The following KIAA1671 variants were observed in gnomAD, a reference collection of about 807,000 sequenced individuals.
KIAA1671 encodes the protein uncharacterized protein KIAA1671.
In KIAA1671, 52 loss-of-function variants were observed where a neutral mutation model predicts 131.2. The observed-to-expected ratio is 0.40, with a 90% CI of 0.32 to 0.50. The LOEUF is 0.50. Ranked by LOEUF, KIAA1671 falls within the 20% of genes least tolerant of loss-of-function variation. The pLI is 0.73. For synonymous variants in KIAA1671, 1,003 were observed against 961.6 expected, an observed-to-expected ratio of 1.04 and a Z score of -0.80; for missense variants, 2,360 against 2,364.2, an observed-to-expected ratio of 1.00 and a Z score of 0.04.
At position 25,039,340 on chromosome 22, in the gene KIAA1671, A is replaced by G; in HGVS notation, c.2210A>G (p.His737Arg). 6.4e-7 allele frequency: 1 copy of G among 1,551,978 alleles called. No homozygotes were observed. The highest frequency in any genetic ancestry group is 8.7e-7 in the Non-Finnish European group (1 of 1,147,056). ...QRIEPRYDIV[H>R]AVGERVHSEA... ...ATTGAGCCCAGATATGACATTGTGCATGCAGTGGGAGAGCGTGTGCACAGC... is the reference window on the plus strand; with the variant it reads ...ATTGAGCCCAGATATGACATTGTGCGTGCAGTGGGAGAGCGTGTGCACAGC... The change falls in exon 5 of 13, where the codon CAT becomes CGT. Residue 737 changes from histidine to arginine, a missense_variant. This residue lies in a region of KIAA1671 where 1,185 missense variants were observed against 1,126.2 expected (regional missense o/e 1.05). Coordinates refer to ENST00000358431, the MANE Select transcript of KIAA1671 (RefSeq NM_001145206.2).
Position 25,028,823 on chromosome 22 carries a change from C to T in KIAA1671, c.824C>T (p.Thr275Met), listed in dbSNP as rs1447775392. 6.4e-6 allele frequency: 10 copies of T among 1,550,724 alleles called. No homozygotes were observed. Among genetic ancestry groups the T allele is most frequent in the Middle Eastern group, 1.7e-4 (1 of 6,012 alleles). The change falls in exon 3 of 13, where the codon ACG becomes ATG. Residue 275 changes from threonine (T) to methionine (M), a missense_variant. By Grantham distance (81) the Thr-to-Met change is moderately conservative. Transcript: ENST00000358431. ...GTGCCACCCACCCCTCCCGAGAAGA[C>T]GTGGGTGAGGAAGCCCAGGCCCTTG... ...GKVPPTPPEK[T>M]WVRKPRPLSM...
chr22:25,129,142 G>A (rs1015237917), intron 6 of KIAA1671, among the ~76,000 whole-genome samples: 1 of 151,948 alleles, frequency 6.6e-6, no homozygotes, highest in Non-Finnish European at 1.5e-5. Context: ...GGAGTGCCAT[G>A]AGGATGGTGG....
chr22:25,044,977 G>A (rs372260266), intron 5 of KIAA1671, among the ~76,000 whole-genome samples: 5 of 152,068 alleles, frequency 3.3e-5, no homozygotes, highest in African/African-American at 1.2e-4. Flanking sequence ...TGGCTAACAC[G>A]GTGAAACCCT....
In KIAA1671 at chr22:25,181,216, C is replaced by T. The variant is rs547177797; in HGVS notation, c.5075-483C>T. ...TGAGTGATCAGCTCAGCCTCAAGCACGGGTCTGGGGTTAAGTCCTGGATAG... is the reference window on the plus strand; with the variant it reads ...TGAGTGATCAGCTCAGCCTCAAGCATGGGTCTGGGGTTAAGTCCTGGATAG... On this transcript the variant is annotated intron_variant, in intron 9 of 12. Coordinates refer to ENST00000358431, the MANE Select transcript of KIAA1671 (RefSeq NM_001145206.2). Among the ~76,000 whole-genome samples, 4 of 152,304 alleles carry T rather than the reference C, an allele frequency of 2.6e-5. No homozygotes were observed. The East Asian group carries it at 5.8e-4, about 22-fold the overall frequency.
chr22:24,956,189 C>T (rs1303707627), intron 1 of KIAA1671, among the ~76,000 whole-genome samples: 1 of 152,248 alleles, frequency 6.6e-6, no homozygotes, highest in Non-Finnish European at 1.5e-5. Flanking sequence ...AAGATCCCTT[C>T]CTCAAGGTGG....
chr22:25,124,243 G>A (rs960127824), intron 6 of KIAA1671, among the ~76,000 whole-genome samples: 8 of 152,210 alleles, frequency 5.3e-5, no homozygotes, highest in Non-Finnish European at 1.2e-4. Flanking sequence ...GCCATAAACA[G>A]CAGCGACCGC....
intron 1 of KIAA1671, chr22:25,009,596 TC>T (rs200434364): frequency 3.6e-4 from 53 of 148,270 alleles, no homozygotes; most frequent in Non-Finnish European, 5.2e-4. Context: ...TTTTTTTTTT[TC>T]TTGAGACAGA....
In KIAA1671 at chr22:24,986,370, A is replaced by G. The variant is rs113292612; in HGVS notation, c.-208+33598A>G. 7.6e-3 allele frequency among the ~76,000 whole-genome samples: 1,153 copies of G among 152,258 alleles called. 20 individuals are homozygous for G. Among genetic ancestry groups the G allele is most frequent in the African/African-American group, 0.026 (1,087 of 41,548 alleles). Reference sequence around the variant, plus strand: ...ATAAAATGGTGTAGTATTTGCATGTAACCTATACATATCCTCCCAGATGCT... The same window carrying G: ...ATAAAATGGTGTAGTATTTGCATGTGACCTATACATATCCTCCCAGATGCT... On this transcript the variant is annotated intron_variant, in intron 1 of 12. Coordinates refer to ENST00000358431, the MANE Select transcript of KIAA1671 (RefSeq NM_001145206.2).
intron 6 of KIAA1671, among the ~76,000 whole-genome samples, chr22:25,111,526 G>C (rs981563158): frequency 6.6e-6 from 1 of 152,240 alleles, no homozygotes; most frequent in African/African-American, 2.4e-5. Context: ...GGACCCGGGG[G>C]CCCTGGTGGC....
chr22:25,039,767 C>G lies in KIAA1671; in HGVS notation c.2637C>G (p.Pro879=). The G allele has an allele frequency of 2.0e-6, 3 of 1,500,502 alleles. No individual in the cohort carries two copies. Among genetic ancestry groups the G allele is most frequent in the Non-Finnish European group, 2.7e-6 (3 of 1,119,928 alleles). The allele number at this position is 1,500,502 out of a possible 1,614,324, so 92.9% of individuals were successfully genotyped here. ...CAGGAGTGGGAGCAAGGGGCCCACC[C>G]CAGGGATGCCCCCTCGATCCTCTTT... The part of the protein sequence containing the change: ...SKPGVGARGP[P]QGCPLDPLSR... The change falls in exon 5 of 13, where the codon CCC becomes CCG. Residue 879 remains proline (P), a synonymous_variant. Coordinates refer to ENST00000358431, the MANE Select transcript of KIAA1671 (RefSeq NM_001145206.2).
At chr22:24,969,001 G>T (rs1922454396) in intron 1 of KIAA1671, among the ~76,000 whole-genome samples, 1 of 152,136 alleles carries the variant, frequency 6.6e-6, no homozygotes. Context: ...CCAGGCTCAG[G>T]CGATTCTCCC....
Position 25,197,357 on chromosome 22 carries a change from A to C in KIAA1671, c.*4956A>C, listed in dbSNP as rs904832522. On this transcript the variant is annotated 3_prime_UTR_variant, in exon 13 of 13. Coordinates refer to ENST00000358431, the MANE Select transcript of KIAA1671 (RefSeq NM_001145206.2). ...AGCAGTTGGAAATCTGGTCGACTGCAATAAAACAAGATGACCTTTGCATGT... is the reference window on the plus strand; with the variant it reads ...AGCAGTTGGAAATCTGGTCGACTGCCATAAAACAAGATGACCTTTGCATGT... 4 of 152,272 alleles carry C rather than the reference A, an allele frequency of 2.6e-5. No homozygotes were observed. The highest frequency in any genetic ancestry group is 9.6e-5 in the African/African-American group (4 of 41,474). 9.4% of individuals were successfully genotyped at this position (152,272 alleles called of 1,614,324 possible).
intron 6 of KIAA1671, among the ~76,000 whole-genome samples, chr22:25,148,941 C>G (rs1396161660): frequency 6.6e-6 from 1 of 152,228 alleles, no homozygotes; most frequent in Non-Finnish European, 1.5e-5. Flanking sequence ...CTGGGCTGAT[C>G]TATACCAAGA....
At chr22:25,128,088 T>C (rs540091002) in intron 6 of KIAA1671, among the ~76,000 whole-genome samples, 1 of 152,266 alleles carries the variant, frequency 6.6e-6, no homozygotes, top group African/African-American at 2.4e-5. Flanking sequence ...GCTAAAGATA[T>C]GAAGATTGAA....
chr22:25,110,100 TG>T, intron 6 of KIAA1671: 1 of 152,464 alleles, frequency 6.6e-6, no homozygotes. Context: ...CAGTCCAGCC[TG>T]GGCAACAGAG....
At position 25,075,359 on chromosome 22, in the gene KIAA1671, T is replaced by C. The variant is rs530135026; in HGVS notation, c.4530+25995T>C. Among the ~76,000 whole-genome samples, 15 of 152,346 alleles carry C rather than the reference T, an allele frequency of 9.8e-5. No homozygotes were observed. The South Asian group carries it at 2.7e-3, about 27-fold the overall frequency. ...GACAAGGCTGAGAAACCTTGTCTTA[T>C]TCTACTTTCACCAGTTTTGTCACGA... is the stretch of plus-strand genomic sequence containing the variant. On this transcript the variant is annotated intron_variant, in intron 6 of 12. Transcript: ENST00000358431.
At chr22:25,125,544 T>G (rs1485657238) in intron 6 of KIAA1671, among the ~76,000 whole-genome samples, 1 of 152,114 alleles carries the variant, frequency 6.6e-6, no homozygotes, top group African/African-American at 2.4e-5. Context: ...GGTACCATGG[T>G]GTAGAACTGG....
intron 9 of KIAA1671, chr22:25,179,541 C>A: frequency 6.3e-7 from 1 of 1,587,900 alleles, no homozygotes; most frequent in East Asian, 2.3e-5. Flanking sequence ...TGCTTCAGCA[C>A]CTGCGCCTCC....
chr22:24,958,980 C>CAA (rs59084421), intron 1 of KIAA1671, among the ~76,000 whole-genome samples: 6 of 77,562 alleles, frequency 7.7e-5, no homozygotes, highest in East Asian at 2.6e-4. Flanking sequence ...AACTTCGTAT[C>CAA]AAAAAAAAAA....
Sources: gnomAD v4.1 joint callset for allele counts (sites outside exome capture counted in the v4.1 genomes callset) on GRCh38, gnomAD v4.1.1 for gene constraint, gnomAD v4.1.1 regional missense constraint, MANE v1.5 for transcripts, NCBI Gene and HGNC (gene_info 2026-07-23, HGNC 2026-07-21) for gene names.